The following PRKN variants were observed in gnomAD, a reference collection of about 807,000 sequenced individuals.
PRKN encodes the protein parkin RBR E3 ubiquitin protein ligase.
PRKN carries 56 observed loss-of-function variants against 59.5 expected under a neutral mutation model. The observed-to-expected ratio is 0.94, with a 90% CI of 0.76 to 1.18. The LOEUF (loss-of-function observed/expected upper bound fraction) is 1.18, where lower values mean the gene tolerates loss of function less well. PRKN is among the 50% of genes most tolerant of loss of function. The probability of loss-of-function intolerance (pLI) is 0.00; values close to 1 mark genes in which losing one functional copy is unlikely to be tolerated. For synonymous variants in PRKN, 250 were observed against 222.1 expected, an observed-to-expected ratio of 1.13 and a Z score of -1.12; for missense variants, 657 against 596.4, an observed-to-expected ratio of 1.10 and a Z score of -1.06.
intron 6 of PRKN, among the ~76,000 whole-genome samples, chr6:161,884,267 T>C (rs1179388063): frequency 1.3e-5 from 2 of 152,326 alleles, no homozygotes; most frequent in East Asian, 3.9e-4. Context: ...TAAATTTTTG[T>C]GAAGATGTGT....
intron 7 of PRKN, among the ~76,000 whole-genome samples, chr6:161,618,824 A>T (rs1048382863): frequency 6.6e-6 from 1 of 152,226 alleles, no homozygotes; most frequent in African/African-American, 2.4e-5. Flanking sequence ...CTCGTGTCTT[A>T]CTTTCACTAA....
At chr6:161,919,651 C>T (rs1378737895) in intron 6 of PRKN, among the ~76,000 whole-genome samples, 1 of 152,174 alleles carries the variant, frequency 6.6e-6, no homozygotes, top group African/African-American at 2.4e-5. Flanking sequence ...GCTGGAAATA[C>T]AAATAGGTTC....
chr6:161,551,814 G>A lies in PRKN; in HGVS notation c.934-2811C>T, dbSNP rs1316307603. ...AGAAATAACGATATGATACTATGCT[G>A]AAGGCAGGACTGAGACGAGAAGCGC... On this transcript the variant is annotated intron_variant, in intron 8 of 11. Coordinates refer to ENST00000366898, the MANE Select transcript of PRKN (RefSeq NM_004562.3). This position sits in a 1 kb window ranked among gnomAD's most constrained non-coding sequence, Gnocchi z 5.2. 6.6e-6 allele frequency among the ~76,000 whole-genome samples: 1 copy of A among 152,200 alleles called. No individual in the cohort carries two copies. The highest frequency in any genetic ancestry group is 2.4e-5 in the African/African-American group (1 of 41,460).
chr6:162,279,299 T>G (rs1027580085), intron 2 of PRKN, among the ~76,000 whole-genome samples: 1 of 148,948 alleles, frequency 6.7e-6, no homozygotes, highest in East Asian at 2.0e-4. Flanking sequence ...CATTGCACCA[T>G]TGCACTCCAT....
intron 6 of PRKN, among the ~76,000 whole-genome samples, chr6:161,902,576 T>TTTTTTTTTTTTTTTTGTCTG (rs1777973713): frequency 1.1e-5 from 1 of 89,702 alleles, no homozygotes; most frequent in African/African-American, 4.0e-5. Context: ...TTTTTTTTTT[T>TTTTTTTTTTTTTTTTGTCTG]TGCGACAGAG....
intron 1 of PRKN, among the ~76,000 whole-genome samples, chr6:162,483,384 C>T (rs550718912): frequency 6.6e-6 from 1 of 151,592 alleles, no homozygotes; most frequent in Non-Finnish European, 1.5e-5. Flanking sequence ...AACTGTGCAC[C>T]AAAAAAGTTA....
chr6:162,491,559 C>T (rs1464854143), intron 1 of PRKN, among the ~76,000 whole-genome samples: 3 of 152,188 alleles, frequency 2.0e-5, no homozygotes, highest in African/African-American at 7.2e-5. Context: ...TTTCCGCCTT[C>T]ATATGCCTCA....
At chr6:162,531,545 GCATT>G (rs1302616150) in intron 1 of PRKN, among the ~76,000 whole-genome samples, 7 of 152,026 alleles carry the variant, frequency 4.6e-5, no homozygotes, top group African/African-American at 9.7e-5. Context: ...CTGTCTTCCT[GCATT>G]CAGTCAGTTC....
Position 161,354,620 on chromosome 6 carries a change from G to C in PRKN, c.1286-4409C>G, listed in dbSNP as rs146377300. On this transcript the variant is annotated intron_variant, in intron 11 of 11. Transcript: ENST00000366898. This position sits in a 1 kb window ranked among gnomAD's most constrained non-coding sequence, Gnocchi z 6.7. ...CCTGTGCTTAAAATGGAAATTCCTC[G>C]CATTCTCATTTCAGCTTCTCTGAGG... 2.2e-3 allele frequency among the ~76,000 whole-genome samples: 341 copies of C among 152,242 alleles called. 1 individual carries two copies. The highest frequency in any genetic ancestry group is 8.1e-3 in the African/African-American group (335 of 41,534).
chr6:162,025,652 G>C (rs1192750383), intron 5 of PRKN, among the ~76,000 whole-genome samples: 2 of 120,796 alleles, frequency 1.7e-5, no homozygotes, highest in Non-Finnish European at 3.2e-5. Context: ...ACAGTGCCAC[G>C]ATCTCAGCTC....
intron 1 of PRKN, among the ~76,000 whole-genome samples, chr6:162,489,520 T>A (rs1282488377): frequency 1.3e-5 from 2 of 152,246 alleles, no homozygotes; most frequent in African/African-American, 4.8e-5. Context: ...AAGTTCATCA[T>A]GGCTGATGAA....
At position 161,584,473 on chromosome 6, in the gene PRKN, T is replaced by C. The variant is rs1272372391; in HGVS notation, c.872-15057A>G. ...TAGTTCTTCTATTATAATCTTCATG[T>C]GCCAAATTGGGGGAAAAAACCTTAT... On this transcript the variant is annotated intron_variant, in intron 7 of 11. Coordinates refer to ENST00000366898, the MANE Select transcript of PRKN (RefSeq NM_004562.3). The surrounding 1 kb of genome is among the most constrained non-coding windows in gnomAD (Gnocchi z 4.8). Among the ~76,000 whole-genome samples the C allele has an allele frequency of 6.6e-6, 1 of 152,260 alleles. No individual in the cohort carries two copies. The highest frequency in any genetic ancestry group is 1.5e-5 in the Non-Finnish European group (1 of 68,050).
intron 2 of PRKN, among the ~76,000 whole-genome samples, chr6:162,300,903 T>C (rs747987304): frequency 2.6e-5 from 4 of 152,110 alleles, no homozygotes; most frequent in Non-Finnish European, 5.9e-5. Flanking sequence ...CAGATGACAG[T>C]ACCTAAACAC....
intron 6 of PRKN, among the ~76,000 whole-genome samples, chr6:161,840,658 A>G (rs1386308940): frequency 6.6e-6 from 1 of 151,702 alleles, no homozygotes; most frequent in Non-Finnish European, 1.5e-5. Context: ...GTATGTGTCC[A>G]TGTGTTCTCA....
Position 161,545,549 on chromosome 6 carries a change from C to A in PRKN, c.1083+3305G>T. The A allele has an allele frequency of 2.5e-6, 2 of 788,158 alleles. No homozygotes were observed. The highest frequency in any genetic ancestry group is 4.4e-6 in the Non-Finnish European group (2 of 453,364). 48.8% of individuals were successfully genotyped at this position (788,158 alleles called of 1,614,324 possible). A position where few individuals can be genotyped will look rare whatever the true frequency, so the allele number is the denominator to read the frequency against. On this transcript the variant is annotated intron_variant, in intron 9 of 11. Transcript: ENST00000366898. This position sits in a 1 kb window ranked among gnomAD's most constrained non-coding sequence, Gnocchi z 4.1. ...AACCACAATTTCTTCCAGACAATGG[C>A]TTTCCATTACACTCCTTAAACCCAG... is the stretch of plus-strand genomic sequence containing the variant.
chr6:162,129,802 ATAGAG>A (rs1364298404), intron 4 of PRKN, among the ~76,000 whole-genome samples: 3 of 152,198 alleles, frequency 2.0e-5, no homozygotes, highest in Non-Finnish European at 4.4e-5. Flanking sequence ...TTCTTAAATT[ATAGAG>A]TAAATATATA....
At chr6:162,589,307 ATCTC>A (rs756437863) in intron 1 of PRKN, among the ~76,000 whole-genome samples, 28 of 151,014 alleles carry the variant, frequency 1.9e-4, no homozygotes, top group Non-Finnish European at 2.5e-4. Context: ...AATATCTTCA[ATCTC>A]TCTCTCTCTC....
chr6:162,200,962 G>A (rs2128330266), intron 4 of PRKN, among the ~76,000 whole-genome samples, 169 bp downstream of exon 4: 1 of 152,266 alleles, frequency 6.6e-6, no homozygotes, highest in East Asian at 1.9e-4. Flanking sequence ...AAATCCAGAA[G>A]ACAAAGGCGC....
chr6:161,816,208 C>G (rs888285771), intron 6 of PRKN, among the ~76,000 whole-genome samples: 2 of 151,950 alleles, frequency 1.3e-5, no homozygotes, highest in Non-Finnish European at 2.9e-5. Context: ...CAGCAGCATG[C>G]GTGAGTCTTA....
Sources: allele counts gnomAD v4.1 joint callset (sites outside exome capture counted in the v4.1 genomes callset), GRCh38; gene constraint gnomAD v4.1.1; non-coding constraint Gnocchi (gnomAD v3.1); transcripts MANE v1.5; gene names NCBI Gene and HGNC (gene_info 2026-07-23, HGNC 2026-07-21).